The following LINGO2 variants were observed in gnomAD, a reference collection of about 807,000 sequenced individuals.
LINGO2 encodes leucine rich repeat and Ig domain containing 2.
Under a neutral mutation model 30.6 loss-of-function variants are expected in LINGO2, and 14 were observed. The observed-to-expected ratio is 0.46, with a 90% CI of 0.30 to 0.72. The LOEUF (loss-of-function observed/expected upper bound fraction) is 0.72. Ranked by LOEUF, LINGO2 falls within the 30% of genes least tolerant of loss-of-function variation. LINGO2 has a pLI of 0.07. For synonymous variants in LINGO2, 317 were observed against 288.5 expected (o/e 1.10, Z -1.00); for missense variants, 729 against 751.7 (o/e 0.97, Z 0.35).
At chr9:28,896,008 T>C in the LINGO2 span, among the ~76,000 whole-genome samples, 2 of 152,184 alleles carry the variant, frequency 1.3e-5, no homozygotes, top group South Asian at 2.1e-4. Context: ...CAGTAGTTAA[T>C]GACATTAAGC....
intron 3 of LINGO2, among the ~76,000 whole-genome samples, chr9:28,370,106 G>A (rs1335466536): frequency 1.3e-5 from 2 of 152,084 alleles, no homozygotes; most frequent in Admixed American, 6.6e-5. Flanking sequence ...TAATAAAAAG[G>A]AAATTAGTTT....
intron 1 of LINGO2, among the ~76,000 whole-genome samples, chr9:28,643,464 G>C (rs1309770603): frequency 3.9e-5 from 6 of 151,928 alleles, no homozygotes; most frequent in African/African-American, 1.4e-4. Context: ...AACAAGTGAT[G>C]GTAGAAAAAC....
the LINGO2 span, among the ~76,000 whole-genome samples, chr9:28,929,612 TA>T: frequency 1.3e-5 from 2 of 152,136 alleles, no homozygotes; most frequent in Admixed American, 1.3e-4. Context: ...AAGGAAACCA[TA>T]AATCTTTCAA....
chr9:29,124,953 C>A, the LINGO2 span, among the ~76,000 whole-genome samples: 2 of 152,152 alleles, frequency 1.3e-5, no homozygotes, highest in Non-Finnish European at 2.9e-5. Flanking sequence ...TATAAAGACA[C>A]ATGCACACGT....
chr9:28,060,421 G>A (rs1342304971), intron 4 of LINGO2, among the ~76,000 whole-genome samples: 1 of 152,140 alleles, frequency 6.6e-6, no homozygotes, highest in Non-Finnish European at 1.5e-5. Context: ...ACTTTTGTAA[G>A]TGCCCCACAT....
chr9:28,545,088 G>A (rs556052337), intron 1 of LINGO2, among the ~76,000 whole-genome samples: 2 of 152,128 alleles, frequency 1.3e-5, no homozygotes, highest in South Asian at 4.1e-4. Flanking sequence ...GAGCAAGGGA[G>A]GCTTGCTAAG....
intron 1 of LINGO2, among the ~76,000 whole-genome samples, chr9:28,634,252 A>T (rs1827142626): frequency 6.6e-6 from 1 of 152,110 alleles, no homozygotes; most frequent in African/African-American, 2.4e-5. Flanking sequence ...TTTTCCTTAC[A>T]TTTAAAATAT....
At chr9:29,198,355 C>T in the LINGO2 span, among the ~76,000 whole-genome samples, 1 of 152,074 alleles carries the variant, frequency 6.6e-6, no homozygotes, top group African/African-American at 2.4e-5. Flanking sequence ...GCGTAAGTGG[C>T]TGACAGTTTG....
At chr9:28,068,351 CTCT>C (rs1825375120) in intron 4 of LINGO2, among the ~76,000 whole-genome samples, 1 of 152,054 alleles carries the variant, frequency 6.6e-6, no homozygotes, top group South Asian at 2.1e-4. Context: ...CTCACAATGC[CTCT>C]TCTTTGTGTG....
At chr9:29,208,383 G>A in the LINGO2 span, among the ~76,000 whole-genome samples, 1 of 151,818 alleles carries the variant, frequency 6.6e-6, no homozygotes, top group African/African-American at 2.4e-5. Flanking sequence ...GAACTTTTAT[G>A]GCCCATACAA....
the LINGO2 span, among the ~76,000 whole-genome samples, chr9:28,824,467 C>A: frequency 7.2e-5 from 11 of 152,214 alleles, no homozygotes; most frequent in African/African-American, 2.6e-4. Flanking sequence ...TTAGGCATGT[C>A]ATTTTACTGA....
chr9:28,847,128 T>A, the LINGO2 span, among the ~76,000 whole-genome samples: 1 of 148,022 alleles, frequency 6.8e-6, no homozygotes, highest in Non-Finnish European at 1.5e-5. Context: ...ATCAGAGGGG[T>A]AGATGGCTGT....
At chr9:28,720,814 C>A in the LINGO2 span, among the ~76,000 whole-genome samples, 3 of 151,862 alleles carry the variant, frequency 2.0e-5, no homozygotes, top group African/African-American at 7.3e-5. Context: ...GCTTTTCATG[C>A]AAAATAAAAT....
the LINGO2 span, among the ~76,000 whole-genome samples, chr9:29,060,014 A>T: frequency 7.4e-3 from 1,124 of 152,228 alleles, 12 homozygotes; most frequent in African/African-American, 0.026. Context: ...TTCAACTTCT[A>T]GAAAACTGAA....
chr9:27,982,830 G>T (rs1000668051), intron 5 of LINGO2, among the ~76,000 whole-genome samples: 25 of 151,612 alleles, frequency 1.6e-4, no homozygotes, highest in Admixed American at 1.1e-3. Flanking sequence ...AGTAAACTGT[G>T]GTTAATAATA....
At chr9:29,004,039 A>G in the LINGO2 span, among the ~76,000 whole-genome samples, 1 of 152,028 alleles carries the variant, frequency 6.6e-6, no homozygotes, top group Admixed American at 6.6e-5. Context: ...GCCTCATTTT[A>G]TAAGCCAAAG....
Position 28,148,698 on chromosome 9 carries a change from G to T in LINGO2, c.-86-136293C>A. ...GTGAGTTTCTACTCCAACGGCCATG[G>T]AGTCGCCAGTTCACACAGCCCTGCT... On this transcript the variant is annotated intron_variant, in intron 4 of 5. Coordinates refer to ENST00000379992, the Ensembl canonical transcript of LINGO2. This position sits in a 1 kb window ranked among gnomAD's most constrained non-coding sequence, Gnocchi z 5.1. The T allele has an allele frequency of 1.3e-6, 2 of 1,533,828 alleles. No individual in the cohort carries two copies. The highest frequency in any genetic ancestry group is 1.2e-5 in the South Asian group (1 of 83,942).
intron 4 of LINGO2, among the ~76,000 whole-genome samples, chr9:28,266,568 C>T (rs188121687): frequency 5.9e-5 from 9 of 152,060 alleles, no homozygotes; most frequent in Non-Finnish European, 1.0e-4. Context: ...TGCCTTCTTT[C>T]TTTTCTGTCT....
intron 4 of LINGO2, among the ~76,000 whole-genome samples, chr9:28,145,700 G>C (rs1211871097): frequency 6.6e-6 from 1 of 151,648 alleles, no homozygotes; most frequent in African/African-American, 2.4e-5. Flanking sequence ...CATCTTGCTG[G>C]ATGTGAAATT....
Sources: allele counts gnomAD v4.1 joint callset (sites outside exome capture counted in the v4.1 genomes callset), GRCh38; gene constraint gnomAD v4.1.1; non-coding constraint Gnocchi (gnomAD v3.1); transcripts MANE v1.5; gene names NCBI Gene and HGNC (gene_info 2026-07-23, HGNC 2026-07-21).